The following ADAM12 variants were observed in gnomAD, a reference collection of about 807,000 sequenced individuals.
The protein encoded by ADAM12 is ADAM metallopeptidase domain 12, also known as disintegrin and metalloproteinase domain-containing protein 12.
Under a neutral mutation model 106.4 loss-of-function variants are expected in ADAM12, and 70 were observed. That is an observed-to-expected ratio of 0.66 (90% confidence interval 0.54 to 0.80). The LOEUF is 0.80. Among genes scored for constraint, ADAM12 ranks in the 30% least tolerant of loss-of-function variants. The probability of loss-of-function intolerance (pLI) is 0.00; values close to 1 mark genes in which losing one functional copy is unlikely to be tolerated. For missense variants in ADAM12, 1,010 were observed against 1,171.9 expected (o/e 0.86, Z 2.02); for synonymous variants, 420 against 433.5 (o/e 0.97, Z 0.39).
intron 3 of ADAM12, among the ~76,000 whole-genome samples, chr10:126,241,513 T>C (rs933902737): frequency 6.6e-6 from 1 of 152,258 alleles, no homozygotes; most frequent in Non-Finnish European, 1.5e-5. Context: ...AGAATTTCTC[T>C]CTGGATGAGG....
chr10:126,266,274 G>C (rs1455358076), intron 3 of ADAM12, among the ~76,000 whole-genome samples: 2 of 152,142 alleles, frequency 1.3e-5, no homozygotes, highest in African/African-American at 4.8e-5. Context: ...TGGAAATGGG[G>C]GTATCTAAAC....
intron 1 of ADAM12, among the ~76,000 whole-genome samples, chr10:126,347,014 C>T (rs183031223): frequency 2.6e-4 from 40 of 152,234 alleles, no homozygotes; most frequent in Admixed American, 1.5e-3. Flanking sequence ...AGCAGTTAGC[C>T]CATTTACACT....
chr10:126,023,106 G>T (rs1953800440), intron 21 of ADAM12, among the ~76,000 whole-genome samples: 1 of 152,206 alleles, frequency 6.6e-6, no homozygotes, highest in Non-Finnish European at 1.5e-5. Context: ...AAATGCCAGA[G>T]ATGCCCCAGA....
chr10:126,091,530 G>A (rs532704350), intron 11 of ADAM12, among the ~76,000 whole-genome samples: 1 of 152,292 alleles, frequency 6.6e-6, no homozygotes, highest in East Asian at 1.9e-4. Flanking sequence ...AAAAGCACAA[G>A]CTCAGCAAAA....
At chr10:126,134,863 ACCCAGG>A (rs1438335822) in intron 5 of ADAM12, among the ~76,000 whole-genome samples, 19 of 152,206 alleles carry the variant, frequency 1.2e-4, no homozygotes, top group African/African-American at 4.6e-4. Context: ...GGCCAAAGTT[ACCCAGG>A]ACTCTGAGGT....
intron 3 of ADAM12, among the ~76,000 whole-genome samples, chr10:126,212,277 T>A (rs2133838459): frequency 6.6e-6 from 1 of 152,354 alleles, no homozygotes; most frequent in South Asian, 2.1e-4. Context: ...CCATATTGAA[T>A]CAACACAGCT....
At chr10:126,086,428 C>A (rs2133543388) in intron 11 of ADAM12, among the ~76,000 whole-genome samples, 1 of 151,042 alleles carries the variant, frequency 6.6e-6, no homozygotes, top group East Asian at 2.0e-4. Context: ...GTAATCCCAG[C>A]ACTTTAGGAG....
chr10:126,291,356 C>G (rs1389245811), intron 2 of ADAM12, among the ~76,000 whole-genome samples: 1 of 152,206 alleles, frequency 6.6e-6, no homozygotes, highest in Non-Finnish European at 1.5e-5. Context: ...AGTAATCCTG[C>G]TATCGATCAC....
intron 3 of ADAM12, among the ~76,000 whole-genome samples, chr10:126,253,732 C>T (rs1958832840): frequency 6.6e-6 from 1 of 152,178 alleles, no homozygotes; most frequent in African/African-American, 2.4e-5. Flanking sequence ...TCATACTGTC[C>T]CACTCTTCCT....
chr10:126,370,811 T>A (rs1239105178), intron 1 of ADAM12, among the ~76,000 whole-genome samples: 1 of 152,148 alleles, frequency 6.6e-6, no homozygotes, highest in Non-Finnish European at 1.5e-5. Context: ...CCTAGTTCAA[T>A]CCTGGCTCAG....
chr10:126,135,490 C>T (rs1332058704), intron 5 of ADAM12, 94 bp downstream of exon 5: 3 of 1,242,266 alleles, frequency 2.4e-6, no homozygotes, highest in Non-Finnish European at 3.5e-6. Flanking sequence ...GCCCCCATCA[C>T]TCACTCTCAG....
chr10:126,337,992 C>T (rs971476236), intron 1 of ADAM12, among the ~76,000 whole-genome samples: 1 of 152,196 alleles, frequency 6.6e-6, no homozygotes, highest in South Asian at 2.1e-4. Flanking sequence ...CACAGATACA[C>T]AGCCTTGGGC....
At chr10:126,210,365 A>G (rs1436034805) in intron 3 of ADAM12, among the ~76,000 whole-genome samples, 1 of 152,170 alleles carries the variant, frequency 6.6e-6, no homozygotes, top group African/African-American at 2.4e-5. Flanking sequence ...CAGCCCCTAC[A>G]GCAATTTCTT....
intron 3 of ADAM12, among the ~76,000 whole-genome samples, chr10:126,258,780 C>T (rs183313781): frequency 6.6e-6 from 1 of 150,976 alleles, no homozygotes; most frequent in East Asian, 2.0e-4. Flanking sequence ...TACTTCTAGC[C>T]TGTGGGCCTT....
At chr10:126,321,506 C>T (rs1295675789) in intron 2 of ADAM12, among the ~76,000 whole-genome samples, 1 of 152,126 alleles carries the variant, frequency 6.6e-6, no homozygotes, top group Admixed American at 6.5e-5. Context: ...AATGAGAGCT[C>T]CCTAAGCCAG....
At chr10:126,343,177 C>T (rs971215850) in intron 1 of ADAM12, among the ~76,000 whole-genome samples, 1 of 133,608 alleles carries the variant, frequency 7.5e-6, no homozygotes, top group Admixed American at 7.8e-5. Context: ...ATCCCTCCCC[C>T]CTCCCCCCAT....
At chr10:126,324,255 GC>G (rs1173535654) in intron 2 of ADAM12, among the ~76,000 whole-genome samples, 1 of 152,232 alleles carries the variant, frequency 6.6e-6, no homozygotes, top group Non-Finnish European at 1.5e-5. Context: ...AAGAGAAGGT[GC>G]CATTTAAGAA....
At chr10:126,201,465 C>T (rs982948518) in intron 3 of ADAM12, among the ~76,000 whole-genome samples, 4 of 152,132 alleles carry the variant, frequency 2.6e-5, no homozygotes, top group East Asian at 1.9e-4. Context: ...GCACCAGAAG[C>T]TGGAAGAGGC....
rs1242434905 is a variant in ADAM12 at position 126,113,723 on chromosome 10, T to A, written c.604-3883A>T. Among the ~76,000 whole-genome samples the A allele has an allele frequency of 1.4e-3, 45 of 33,102 alleles. No individual in the cohort carries two copies. The South Asian group carries it at 0.022, about 16-fold the overall frequency. 21.7% of individuals were successfully genotyped at this position (33,102 alleles called of 152,430 possible). On this transcript the variant is annotated intron_variant, in intron 6 of 22. Transcript: ENST00000448723. ...ATATATATATATATATATATATATA[T>A]ATATATATAATATATTGCTCTGGCT...
Sources: gnomAD v4.1 joint callset for allele counts (sites outside exome capture counted in the v4.1 genomes callset) on GRCh38, gnomAD v4.1.1 for gene constraint, MANE v1.5 for transcripts, NCBI Gene and HGNC (gene_info 2026-07-23, HGNC 2026-07-21) for gene names.